Variants in ZNF454 observed in about 807,000 individuals in gnomAD.
ZNF454 encodes zinc finger protein 454.
A neutral mutation model predicts 48.2 loss-of-function variants in ZNF454; 30 were observed. The observed-to-expected ratio is 0.62, with a 90% confidence interval of 0.47 to 0.84. The LOEUF (loss-of-function observed/expected upper bound fraction) is 0.84, where lower values mean the gene tolerates loss of function less well. ZNF454 is among the 40% of genes least tolerant of loss of function. The pLI, the probability that ZNF454 is intolerant of heterozygous loss-of-function variation, is 0.00. For missense variants in ZNF454, 510 were observed against 623.1 expected, an observed-to-expected ratio of 0.82 and a Z score of 1.93; for synonymous variants, 204 against 211.4, an observed-to-expected ratio of 0.97 and a Z score of 0.30.
chr5:178,945,121 A>G (rs1759265910), intron 2 of ZNF454, among the ~76,000 whole-genome samples: 1 of 130,642 alleles, frequency 7.7e-6, no homozygotes, highest in African/African-American at 3.0e-5. Flanking sequence ...GCGCGCTTGC[A>G]TGTGTGCGTG....
chr5:178,978,343 A>C, the ZNF454 span: 2 of 152,244 alleles, frequency 1.3e-5, no homozygotes, highest in Non-Finnish European at 2.9e-5. Flanking sequence ...GAAAAGTTAA[A>C]TTTATTGAAC....
chr5:178,947,938 G>A (rs956664491), intron 4 of ZNF454, among the ~76,000 whole-genome samples: 5 of 151,614 alleles, frequency 3.3e-5, no homozygotes, highest in Non-Finnish European at 5.9e-5. Flanking sequence ...TTTTTGAGAC[G>A]GAGCCTCGCT....
the ZNF454 span, chr5:178,981,841 G>T: frequency 6.2e-7 from 1 of 1,610,566 alleles, no homozygotes; most frequent in Non-Finnish European, 8.5e-7. The surrounding 1 kb of genome is among the most constrained non-coding windows in gnomAD (Gnocchi z 5.1). Flanking sequence ...TAGCGTGGTT[G>T]TCTGGATGTA....
chr5:178,984,491 G>T, the ZNF454 span, among the ~76,000 whole-genome samples: 5 of 152,186 alleles, frequency 3.3e-5, no homozygotes, highest in Non-Finnish European at 7.3e-5. Flanking sequence ...TTGCAGGCTT[G>T]TGTGTTTTTA....
intron 4 of ZNF454, among the ~76,000 whole-genome samples, chr5:178,960,993 C>T (rs997040784): frequency 2.2e-4 from 33 of 149,736 alleles, no homozygotes; most frequent in African/African-American, 5.9e-4. Context: ...TGCAGTGGCA[C>T]GATCTCAGCT....
At chr5:178,978,220 T>C in the ZNF454 span, 3 of 152,250 alleles carry the variant, frequency 2.0e-5, no homozygotes, top group African/African-American at 7.2e-5. Flanking sequence ...TTTCATTCTA[T>C]AAAATGATGA....
intron 4 of ZNF454, 54 bp downstream of exon 4, chr5:178,947,040 G>C: frequency 6.7e-7 from 1 of 1,487,882 alleles, no homozygotes; most frequent in Admixed American, 1.9e-5. Context: ...GGTAGGGAAG[G>C]CTCCGTAGGG....
the ZNF454 span, chr5:178,985,520 G>T: frequency 6.5e-4 from 220 of 337,166 alleles, 1 homozygote; most frequent in Non-Finnish European, 8.1e-4. Flanking sequence ...TGGCTAACAC[G>T]GTGAAGCCCT....
At chr5:178,984,726 A>G in the ZNF454 span, among the ~76,000 whole-genome samples, 3 of 152,072 alleles carry the variant, frequency 2.0e-5, no homozygotes, top group Non-Finnish European at 2.9e-5. Context: ...GTGGAGGAAG[A>G]CGGGAGCACC....
chr5:178,976,796 C>G, the ZNF454 span, among the ~76,000 whole-genome samples: 6 of 152,176 alleles, frequency 3.9e-5, no homozygotes, highest in African/African-American at 1.2e-4. Flanking sequence ...AAGACAAGGT[C>G]TGTGTGCCCT....
the ZNF454 span, chr5:178,989,011 G>A: frequency 1.9e-6 from 3 of 1,614,100 alleles, no homozygotes; most frequent in East Asian, 2.2e-5. Flanking sequence ...ACAGGCCTGT[G>A]TGCCCAGGGC....
downstream of ZNF454, among the ~76,000 whole-genome samples, chr5:178,970,513 T>A (rs1006542331): frequency 3.9e-5 from 6 of 152,204 alleles, no homozygotes; most frequent in Admixed American, 3.9e-4. Flanking sequence ...CTGTGTTCCG[T>A]CTGCCACCCT....
At chr5:178,982,838 TA>T in the ZNF454 span, 3,029 of 1,062,046 alleles carry the variant, frequency 2.9e-3, 66 homozygotes, top group East Asian at 0.053. Context: ...AACAAGCATT[TA>T]ATCTCATGAA....
chr5:178,949,216 A>G (rs1646908710), intron 4 of ZNF454, among the ~76,000 whole-genome samples: 1 of 151,690 alleles, frequency 6.6e-6, no homozygotes, highest in Non-Finnish European at 1.5e-5. Context: ...TCGCGCAGCT[A>G]ATTTTTTGTA....
chr5:178,956,050 T>G (rs1336185620), intron 4 of ZNF454, among the ~76,000 whole-genome samples: 1 of 152,162 alleles, frequency 6.6e-6, no homozygotes, highest in East Asian at 1.9e-4. Flanking sequence ...TCCACCACAT[T>G]TGTCATTTAC....
intron 4 of ZNF454, among the ~76,000 whole-genome samples, chr5:178,953,282 T>G (rs1351739020): frequency 6.6e-6 from 1 of 152,198 alleles, no homozygotes; most frequent in Non-Finnish European, 1.5e-5. Context: ...TTTACATTCT[T>G]AAACACTAGT....
intron 4 of ZNF454, 54 bp downstream of exon 4, chr5:178,947,040 G>A (rs1344545862): frequency 6.7e-7 from 1 of 1,487,764 alleles, no homozygotes; most frequent in Non-Finnish European, 9.3e-7. Flanking sequence ...GGTAGGGAAG[G>A]CTCCGTAGGG....
chr5:178,989,347 G>A, the ZNF454 span: 20,639 of 1,613,826 alleles, frequency 0.013, 167 homozygotes, highest in Non-Finnish European at 0.015. Flanking sequence ...AGAACTCGGC[G>A]AACCAGATGT....
At chr5:178,981,769 T>C in the ZNF454 span, 1 of 1,613,024 alleles carries the variant, frequency 6.2e-7, no homozygotes, top group African/African-American at 1.3e-5. The surrounding 1 kb of genome is among the most constrained non-coding windows in gnomAD (Gnocchi z 5.1). Flanking sequence ...GAGGATGACG[T>C]AGGTTTTGGG....
Sources: gnomAD v4.1 joint callset for allele counts (sites outside exome capture counted in the v4.1 genomes callset) on GRCh38, gnomAD v4.1.1 for gene constraint, Gnocchi (gnomAD v3.1) non-coding constraint, MANE v1.5 for transcripts, NCBI Gene and HGNC (gene_info 2026-07-23, HGNC 2026-07-21) for gene names.